The following RAPGEF2 variants were observed in gnomAD, a reference collection of about 807,000 sequenced individuals.
The protein encoded by RAPGEF2 is Rap guanine nucleotide exchange factor 2, also known as PDZ domain containing guanine nucleotide exchange factor (GEF) 1.
In RAPGEF2, 54 loss-of-function variants were observed where a neutral mutation model predicts 186.7. The observed-to-expected ratio is 0.29, with a 90% CI of 0.23 to 0.36. The LOEUF is 0.36. Ranked by LOEUF, RAPGEF2 falls within the 10% of genes least tolerant of loss-of-function variation. The pLI, the probability that RAPGEF2 is intolerant of heterozygous loss-of-function variation, is 1.00. For missense variants in RAPGEF2, 1,532 were observed against 2,045.0 expected, an observed-to-expected ratio of 0.75 and a Z score of 4.84; for synonymous variants, 712 against 705.9, an observed-to-expected ratio of 1.01 and a Z score of -0.14.
chr4:159,238,019 TAAAAAA>T (rs111836930), intron 4 of RAPGEF2, among the ~76,000 whole-genome samples: 6 of 145,250 alleles, frequency 4.1e-5, no homozygotes, highest in Non-Finnish European at 9.1e-5. Context: ...CCTTGTCTCT[TAAAAAA>T]AAAAAAATTA....
intron 1 of RAPGEF2, among the ~76,000 whole-genome samples, chr4:159,110,559 CAA>C (rs529543431): frequency 7.2e-4 from 109 of 152,264 alleles, no homozygotes; most frequent in African/African-American, 2.6e-3. Context: ...GCCTGGGTAA[CAA>C]GAGCGAAACC....
chr4:159,126,080 A>C (rs1204606132), intron 1 of RAPGEF2, among the ~76,000 whole-genome samples: 1 of 152,248 alleles, frequency 6.6e-6, no homozygotes, highest in African/African-American at 2.4e-5. Context: ...CTACTTGGTC[A>C]AAAATAACTG....
At chr4:159,126,870 A>G (rs1740369353) in intron 1 of RAPGEF2, among the ~76,000 whole-genome samples, 1 of 152,220 alleles carries the variant, frequency 6.6e-6, no homozygotes, top group Non-Finnish European at 1.5e-5. Flanking sequence ...AACCCCATTC[A>G]TGTGCATGGT....
intron 1 of RAPGEF2, among the ~76,000 whole-genome samples, chr4:159,112,269 C>T (rs1269151261): frequency 6.6e-6 from 1 of 152,070 alleles, no homozygotes; most frequent in Non-Finnish European, 1.5e-5. Context: ...AGAGAAAGTT[C>T]TGTGATAATG....
intron 4 of RAPGEF2, among the ~76,000 whole-genome samples, chr4:159,230,162 T>C (rs1175010046): frequency 6.6e-6 from 1 of 152,180 alleles, no homozygotes; most frequent in Non-Finnish European, 1.5e-5. Context: ...AAAACACATA[T>C]ACCATACTTC....
At chr4:159,250,122 C>T (rs975202947) in intron 7 of RAPGEF2, among the ~76,000 whole-genome samples, 35 of 152,228 alleles carry the variant, frequency 2.3e-4, no homozygotes, top group South Asian at 2.1e-4. Flanking sequence ...ATAGCAGTTT[C>T]TTATGGACTC....
At chr4:159,146,106 G>A (rs1182261951) in intron 1 of RAPGEF2, among the ~76,000 whole-genome samples, 2 of 151,968 alleles carry the variant, frequency 1.3e-5, no homozygotes, top group Non-Finnish European at 2.9e-5. Flanking sequence ...ATATTTCATG[G>A]TTGTCCTTGC....
At chr4:159,280,986 C>CTTCTTTTTT (rs1554025029) in intron 7 of RAPGEF2, among the ~76,000 whole-genome samples, 10 of 142,376 alleles carry the variant, frequency 7.0e-5, no homozygotes, top group African/African-American at 1.8e-4. Flanking sequence ...TTAACTACTT[C>CTTCTTTTTT]TTTTTTTTTT....
chr4:159,150,887 C>G (rs559678562), intron 1 of RAPGEF2, among the ~76,000 whole-genome samples: 1 of 152,180 alleles, frequency 6.6e-6, no homozygotes, highest in South Asian at 2.1e-4. Flanking sequence ...CCTGACTGCC[C>G]TCCTTCTCTG....
chr4:159,296,168 G>GA (rs1762004245), intron 7 of RAPGEF2, among the ~76,000 whole-genome samples: 1 of 152,042 alleles, frequency 6.6e-6, no homozygotes, highest in Non-Finnish European at 1.5e-5. Flanking sequence ...GAACTTGCAA[G>GA]AAAAATGAAA....
At chr4:159,345,017 A>G in intron 23 of RAPGEF2, 89 bp from the exon 24 acceptor site, 1 of 1,044,680 alleles carries the variant, frequency 9.6e-7, no homozygotes, top group South Asian at 1.4e-5. Flanking sequence ...TTTTGAACAT[A>G]GACTATTAAT....
intron 7 of RAPGEF2, among the ~76,000 whole-genome samples, chr4:159,264,769 C>G (rs1054048876): frequency 6.6e-6 from 1 of 152,124 alleles, no homozygotes; most frequent in Non-Finnish European, 1.5e-5. Context: ...CTTCCCCCAG[C>G]ACCTGTCACC....
In RAPGEF2 at chr4:159,339,241, C is replaced by A; in HGVS notation, c.2421C>A (p.Thr807=). Residue 807 remains threonine, a synonymous_variant, in exon 19 of 30, where the codon ACC becomes ACA. Coordinates refer to ENST00000691494, the MANE Select transcript of RAPGEF2 (RefSeq NM_001394067.2). ...QAIREFAVTA[T]PDQYSLCEVS... ...TCAGGGAGTTTGCTGTTACTGCCAC[C>A]CCGGATCAATATTCACTATGTGAGG... The A allele has an allele frequency of 6.2e-7, 1 of 1,614,006 alleles. No individual in the cohort carries two copies. The highest frequency in any genetic ancestry group is 8.5e-7 in the Non-Finnish European group (1 of 1,179,986).
intron 1 of RAPGEF2, among the ~76,000 whole-genome samples, chr4:159,157,026 G>A (rs921722430): frequency 6.6e-6 from 1 of 152,192 alleles, no homozygotes; most frequent in Non-Finnish European, 1.5e-5. Context: ...AGTGACTCCA[G>A]TGCTCAATTT....
intron 19 of RAPGEF2, 73 bp from the exon 20 acceptor site, chr4:159,341,491 G>A (rs765253424): frequency 4.1e-5 from 59 of 1,432,038 alleles, no homozygotes; most frequent in South Asian, 2.2e-4. Flanking sequence ...ATAAAAAGTA[G>A]CATTATTCTT....
intron 17 of RAPGEF2, among the ~76,000 whole-genome samples, chr4:159,337,912 AAGAAAG>A (rs1767686620): frequency 1.4e-5 from 2 of 146,144 alleles, no homozygotes; most frequent in African/African-American, 5.2e-5. Context: ...AAAAAAAAAA[AAGAAAG>A]AAAAACCATA....
chr4:159,104,216 C>G lies in RAPGEF2; in HGVS notation c.54C>G (p.Pro18=). 1 of 1,326,426 alleles carries G rather than the reference C, an allele frequency of 7.5e-7. No homozygotes were observed. Among genetic ancestry groups the G allele is most frequent in the East Asian group, 4.7e-5 (1 of 21,112 alleles). 82.2% of individuals were successfully genotyped at this position (1,326,426 alleles called of 1,614,324 possible). ...SFRQAVMKNP[P]ERTPQDLEIV... ...GCCAGGCGGTGATGAAGAATCCCCC[C>G]GAAAGGACCCCCCAGGTGAGAACGC... The change falls in exon 1 of 30, where the codon CCC becomes CCG. Residue 18 remains proline (P), a synonymous_variant. Coordinates refer to ENST00000691494, the MANE Select transcript of RAPGEF2 (RefSeq NM_001394067.2).
At chr4:159,348,894 C>G (rs1035948810) in intron 25 of RAPGEF2, among the ~76,000 whole-genome samples, 1 of 152,206 alleles carries the variant, frequency 6.6e-6, no homozygotes, top group Non-Finnish European at 1.5e-5. Flanking sequence ...TTTAGAGACA[C>G]TACAGGTGTT....
chr4:159,354,460 G>T (rs1285861985), intron 28 of RAPGEF2, among the ~76,000 whole-genome samples: 2 of 151,974 alleles, frequency 1.3e-5, no homozygotes, highest in Non-Finnish European at 2.9e-5. Context: ...AGAACTATAC[G>T]CTTTGTATAC....
Sources: gnomAD v4.1 joint callset for allele counts (sites outside exome capture counted in the v4.1 genomes callset) on GRCh38, gnomAD v4.1.1 for gene constraint, MANE v1.5 for transcripts, NCBI Gene and HGNC (gene_info 2026-07-23, HGNC 2026-07-21) for gene names.